The following SPTLC2 variants were observed in gnomAD, a reference collection of about 807,000 sequenced individuals.
SPTLC2 encodes the protein serine palmitoyltransferase long chain base subunit 2, also known as serine palmitoyltransferase 2.
In SPTLC2, 21 loss-of-function variants were observed where a neutral mutation model predicts 62.0. The observed-to-expected ratio is 0.34, with a 90% confidence interval of 0.24 to 0.49. The LOEUF (loss-of-function observed/expected upper bound fraction) is 0.49, where lower values mean the gene tolerates loss of function less well. SPTLC2 is among the 20% of genes least tolerant of loss of function. The pLI is 0.99. For missense variants in SPTLC2, 511 were observed against 713.0 expected (o/e 0.72, Z 3.23); for synonymous variants, 261 against 261.8 (o/e 1.00, Z 0.03).
At chr14:77,545,577 G>C (rs2079524264) in intron 9 of SPTLC2, among the ~76,000 whole-genome samples, 2 of 152,218 alleles carry the variant, frequency 1.3e-5, no homozygotes, top group Admixed American at 6.5e-5. Flanking sequence ...CCGGGTATCA[G>C]GTTCTTACTT....
At chr14:77,542,039 A>C (rs975802157) in intron 9 of SPTLC2, among the ~76,000 whole-genome samples, 13 of 149,552 alleles carry the variant, frequency 8.7e-5, no homozygotes, top group Non-Finnish European at 1.8e-4. Flanking sequence ...CCTGGGCAAC[A>C]GAGTGAGACA....
chr14:77,544,110 C>T (rs898200451), intron 9 of SPTLC2, among the ~76,000 whole-genome samples: 5 of 152,064 alleles, frequency 3.3e-5, no homozygotes, highest in African/African-American at 1.2e-4. Flanking sequence ...TGGGTTTGTG[C>T]AATCCTCCGC....
intron 9 of SPTLC2, 161 bp from the exon 10 acceptor site, chr14:77,521,742 A>C: frequency 5.9e-6 from 4 of 677,476 alleles, no homozygotes; most frequent in Non-Finnish European, 7.7e-6. Flanking sequence ...TGGAATATAA[A>C]TGTAAAATGT....
chr14:77,590,904 C>T (rs1377559711), intron 2 of SPTLC2, among the ~76,000 whole-genome samples: 5 of 152,006 alleles, frequency 3.3e-5, no homozygotes, highest in Admixed American at 6.6e-5. Context: ...GCTTTCCTGG[C>T]ATGAAAAACA....
intron 9 of SPTLC2, among the ~76,000 whole-genome samples, chr14:77,547,071 G>T (rs1402983560): frequency 3.9e-5 from 6 of 152,004 alleles, no homozygotes; most frequent in Admixed American, 3.3e-4. Flanking sequence ...CTCCATGTTG[G>T]TCAGACTGGT....
intron 9 of SPTLC2, among the ~76,000 whole-genome samples, chr14:77,550,392 C>T (rs146722833): frequency 4.0e-4 from 61 of 152,192 alleles, no homozygotes; most frequent in South Asian, 1.9e-3. Context: ...CTGACCAACA[C>T]GGAGAAACCC....
intron 2 of SPTLC2, among the ~76,000 whole-genome samples, chr14:77,591,045 A>C (rs754237049): frequency 3.3e-5 from 5 of 152,220 alleles, no homozygotes; most frequent in African/African-American, 9.6e-5. Flanking sequence ...GCTTCTTTGA[A>C]AGGTTTATTT....
chr14:77,581,446 T>C (rs897231003), intron 2 of SPTLC2, among the ~76,000 whole-genome samples: 1 of 144,000 alleles, frequency 6.9e-6, no homozygotes, highest in African/African-American at 2.6e-5. Flanking sequence ...GTTTCACTCT[T>C]GTTGCCCAGG....
chr14:77,518,963 T>C lies in SPTLC2; in HGVS notation c.1440-796A>G, dbSNP rs61992439. Reference sequence around the variant, plus strand: ...TCCCCCACCCCTATCGTAAGCCAAATTGGAGGCCCTGTGGCCTTACTCCAC... The same window carrying C: ...TCCCCCACCCCTATCGTAAGCCAAACTGGAGGCCCTGTGGCCTTACTCCAC... On this transcript the variant is annotated intron_variant, in intron 10 of 11. Coordinates refer to ENST00000216484, the MANE Select transcript of SPTLC2 (RefSeq NM_004863.4). 2.7e-3 allele frequency among the ~76,000 whole-genome samples: 413 copies of C among 152,348 alleles called. 2 individuals are homozygous for C. Among genetic ancestry groups the C allele is most frequent in the Non-Finnish European group, 4.1e-3 (280 of 68,026 alleles).
intron 9 of SPTLC2, among the ~76,000 whole-genome samples, chr14:77,545,850 A>C (rs975412456): frequency 1.3e-5 from 2 of 152,242 alleles, no homozygotes; most frequent in African/African-American, 4.8e-5. Flanking sequence ...TCTTGTTGCA[A>C]GAAACTTTTA....
At chr14:77,549,509 C>A (rs1383361913) in intron 9 of SPTLC2, among the ~76,000 whole-genome samples, 2 of 152,190 alleles carry the variant, frequency 1.3e-5, no homozygotes, top group Non-Finnish European at 1.5e-5. Flanking sequence ...GGCTCCAAGT[C>A]ACTCCAGCCC....
chr14:77,596,960 C>T (rs2079850821), intron 2 of SPTLC2, among the ~76,000 whole-genome samples: 2 of 152,112 alleles, frequency 1.3e-5, no homozygotes, highest in South Asian at 4.1e-4. Flanking sequence ...GGGATAGTGC[C>T]GCCCACCTCC....
At chr14:77,556,939 C>T (rs1006676919) in intron 7 of SPTLC2, 102 bp downstream of exon 7, 2 of 904,520 alleles carry the variant, frequency 2.2e-6, no homozygotes, top group African/African-American at 3.3e-5. Flanking sequence ...ACACTGTCTC[C>T]TTAGTTTCCA....
chr14:77,571,629 G>C (rs898156256), intron 4 of SPTLC2, among the ~76,000 whole-genome samples: 1 of 152,066 alleles, frequency 6.6e-6, no homozygotes, highest in Non-Finnish European at 1.5e-5. Context: ...GAAAAGATGC[G>C]GGAAAGAAGA....
At chr14:77,566,493 A>G (rs2079645568) in intron 5 of SPTLC2, among the ~76,000 whole-genome samples, 1 of 152,174 alleles carries the variant, frequency 6.6e-6, no homozygotes, top group African/African-American at 2.4e-5. Flanking sequence ...AATAATAGCA[A>G]TACTAATTAT....
chr14:77,527,356 A>C (rs1465022610), intron 9 of SPTLC2, among the ~76,000 whole-genome samples: 1 of 152,088 alleles, frequency 6.6e-6, no homozygotes, highest in African/African-American at 2.4e-5. Context: ...CACCAGGCCT[A>C]GATTTAGTTC....
chr14:77,518,611 G>A (rs1466771475), intron 10 of SPTLC2, among the ~76,000 whole-genome samples: 1 of 117,050 alleles, frequency 8.5e-6, no homozygotes, highest in Non-Finnish European at 1.8e-5. Context: ...AAAAAAAAAA[G>A]TGTCCCTGAT....
intron 2 of SPTLC2, among the ~76,000 whole-genome samples, chr14:77,585,805 T>C (rs566219648): frequency 3.9e-5 from 6 of 152,238 alleles, no homozygotes; most frequent in South Asian, 4.1e-4. Context: ...CCTTCACAGA[T>C]TACTTTTAAA....
intron 1 of SPTLC2, among the ~76,000 whole-genome samples, chr14:77,603,537 G>T (rs1053586385): frequency 1.3e-5 from 2 of 152,226 alleles, no homozygotes; most frequent in Non-Finnish European, 2.9e-5. Context: ...ATGTCCAGAA[G>T]TGTCTCCTTT....
Sources: gnomAD v4.1 joint callset for allele counts (sites outside exome capture counted in the v4.1 genomes callset) on GRCh38, gnomAD v4.1.1 for gene constraint, MANE v1.5 for transcripts, NCBI Gene and HGNC (gene_info 2026-07-23, HGNC 2026-07-21) for gene names.